The following ADAM20 variants were observed in gnomAD, a reference collection of about 807,000 sequenced individuals.
The protein encoded by ADAM20 is disintegrin and metalloproteinase domain-containing protein 20.
For synonymous variants in ADAM20, 305 were observed against 310.2 expected, an observed-to-expected ratio of 0.98 and a Z score of 0.18; for missense variants, 871 against 883.2, an observed-to-expected ratio of 0.99 and a Z score of 0.18.
chr14:70,522,971 T>C lies in ADAM20; in HGVS notation c.1787A>G (p.Tyr596Cys). 1 of 1,614,078 alleles carries C rather than the reference T, an allele frequency of 6.2e-7. No homozygotes were observed. Among genetic ancestry groups the C allele is most frequent in the South Asian group, 1.1e-5 (1 of 91,080 alleles). Residue 596 changes from tyrosine to cysteine, a missense_variant, in exon 2 of 2, where the codon TAT (tyrosine) becomes TGT (cysteine). Physicochemically the swap from Tyr to Cys is radical, Grantham distance 194. Transcript: ENST00000256389. ...LNDTTCWGTD[Y>C]HLGMAIPDIG... ...ATCAGGTATAGCCATCCCTAAATGA[T>C]AATCAGTGCCCCAGCAAGTGGTGTC...
chr14:70,522,772 G>A lies in ADAM20; in HGVS notation c.1986C>T (p.Tyr662=), dbSNP rs766395855. ...TACCTCCATAGCCTTTGTCCTTGCA[G>A]TATGGGGGTGCCCATTCATGGTTGC... ...CHCNHEWAPP[Y]CKDKGYGGSA... The change falls in exon 2 of 2, where the codon TAC becomes TAT. Residue 662 remains tyrosine, a synonymous_variant. Transcript: ENST00000256389. 2 of 1,613,974 alleles carry A rather than the reference G, an allele frequency of 1.2e-6. No homozygotes were observed. The highest frequency in any genetic ancestry group is 2.7e-5 in the African/African-American group (2 of 74,926).
intron 1 of ADAM20, 60 bp from the exon 2 acceptor site, chr14:70,524,993 G>T: frequency 1.4e-6 from 2 of 1,392,286 alleles, no homozygotes; most frequent in Admixed American, 2.3e-5. Context: ...GAGAAAAAAG[G>T]CAAAGTGATT....
chr14:70,575,238 A>C, the ADAM20 span, among the ~76,000 whole-genome samples: 1 of 151,900 alleles, frequency 6.6e-6, no homozygotes, highest in African/African-American at 2.4e-5. Flanking sequence ...TCGGTCACTC[A>C]GGTTGCAATG....
intron 1 of ADAM20, among the ~76,000 whole-genome samples, chr14:70,531,882 C>T (rs759890716): frequency 6.6e-6 from 1 of 152,034 alleles, no homozygotes; most frequent in Non-Finnish European, 1.5e-5. Flanking sequence ...ACATCTCATT[C>T]ATAGACTAGA....
the ADAM20 span, among the ~76,000 whole-genome samples, chr14:70,558,293 G>A: frequency 9.3e-3 from 1,409 of 152,288 alleles, 26 homozygotes; most frequent in African/African-American, 0.032. Flanking sequence ...CTCCAGTGAA[G>A]TAGTTTCAAA....
chr14:70,568,590 T>G, the ADAM20 span, among the ~76,000 whole-genome samples: 8,970 of 152,118 alleles, frequency 0.059, 331 homozygotes, highest in African/African-American at 0.1. Flanking sequence ...GGAAACTCAG[T>G]AAGATCCAAG....
chr14:70,527,011 A>T (rs1357037052), intron 1 of ADAM20, among the ~76,000 whole-genome samples: 1 of 152,106 alleles, frequency 6.6e-6, no homozygotes, highest in African/African-American at 2.4e-5. Context: ...ACCTTCAAAC[A>T]CTGTAACCAG....
chr14:70,530,688 C>A (rs563044554), intron 1 of ADAM20, among the ~76,000 whole-genome samples: 1 of 151,922 alleles, frequency 6.6e-6, no homozygotes, highest in Non-Finnish European at 1.5e-5. Flanking sequence ...CCATCATTGC[C>A]CAAAACATTC....
Position 70,522,876 on chromosome 14 carries a change from T to C in ADAM20, c.1882A>G (p.Met628Val), listed in dbSNP as rs1314496988. 1 of 1,614,094 alleles carries C rather than the reference T, an allele frequency of 6.2e-7. No homozygotes were observed. Among genetic ancestry groups the C allele is most frequent in the East Asian group, 2.2e-5 (1 of 44,886 alleles). The change falls in exon 2 of 2, where the codon ATG (methionine) becomes GTG (valine). Residue 628 changes from methionine (M) to valine (V), a missense_variant. Coordinates refer to ENST00000256389, the MANE Select transcript of ADAM20 (RefSeq NM_003814.5). ...KICIRKKCAS[M>V]VHLSQACQPK... ...TGACAGGCTTGTGACAGATGAACCA[T>C]ACTGGCACACTTCTTACGGATGCAG...
the ADAM20 span, among the ~76,000 whole-genome samples, chr14:70,567,897 G>T: frequency 6.6e-6 from 1 of 152,066 alleles, no homozygotes; most frequent in Non-Finnish European, 1.5e-5. Context: ...ATAAGGACCT[G>T]GTGCACCTCC....
chr14:70,547,063 G>C, the ADAM20 span, among the ~76,000 whole-genome samples: 2 of 152,170 alleles, frequency 1.3e-5, no homozygotes, highest in East Asian at 3.9e-4. Context: ...TGGCTACTAT[G>C]AGCAACTATA....
chr14:70,564,742 T>C, the ADAM20 span, among the ~76,000 whole-genome samples: 2 of 104,858 alleles, frequency 1.9e-5, no homozygotes, highest in African/African-American at 1.1e-4. Context: ...CGCAATTTTT[T>C]TTTTTTTTTT....
the ADAM20 span, among the ~76,000 whole-genome samples, chr14:70,566,506 G>A: frequency 1.3e-5 from 2 of 151,880 alleles, no homozygotes; most frequent in African/African-American, 2.4e-5. Context: ...AAAAGGGGAG[G>A]AGAAGAAAGA....
chr14:70,577,019 G>C, the ADAM20 span, among the ~76,000 whole-genome samples: 2 of 152,074 alleles, frequency 1.3e-5, no homozygotes, highest in African/African-American at 4.8e-5. Flanking sequence ...AGAAAGCCTA[G>C]GTACAAGAAC....
Position 70,522,866 on chromosome 14 carries a change from A to G in ADAM20, c.1892T>C (p.Leu631Pro). The G allele has an allele frequency of 6.2e-7, 1 of 1,614,092 alleles. No individual in the cohort carries two copies. Among genetic ancestry groups the G allele is most frequent in the Non-Finnish European group, 8.5e-7 (1 of 1,179,952 alleles). ...IRKKCASMVH[L>P]SQACQPKTCN... ...GGTCTTAGGCTGACAGGCTTGTGACAGATGAACCATACTGGCACACTTCTT... is the reference window on the plus strand; with the variant it reads ...GGTCTTAGGCTGACAGGCTTGTGACGGATGAACCATACTGGCACACTTCTT... Residue 631 changes from leucine (L) to proline (P), a missense_variant, in exon 2 of 2, where the codon CTG becomes CCG. Transcript: ENST00000256389.
chr14:70,568,162 T>C, the ADAM20 span, among the ~76,000 whole-genome samples: 184 of 152,306 alleles, frequency 1.2e-3, no homozygotes, highest in Non-Finnish European at 1.8e-3. Context: ...CCTATGCACC[T>C]GCACTCTCAA....
Position 70,531,680 on chromosome 14 carries a change from C to T in ADAM20, c.-177+3117G>A, listed in dbSNP as rs75245894. ...AAGTTGCAGGATACAAAATCAACTA[C>T]AAAAGTCACGTGCATAATTATATAC... is the stretch of plus-strand genomic sequence containing the variant. On this transcript the variant is annotated intron_variant, in intron 1 of 1. Coordinates refer to ENST00000256389, the MANE Select transcript of ADAM20 (RefSeq NM_003814.5). Among the ~76,000 whole-genome samples the T allele has an allele frequency of 9.3e-3, 1,409 of 151,954 alleles. 24 individuals are homozygous for T. Among genetic ancestry groups the T allele is most frequent in the African/African-American group, 0.032 (1,322 of 41,482 alleles).
chr14:70,554,929 G>A, the ADAM20 span, among the ~76,000 whole-genome samples: 2 of 152,148 alleles, frequency 1.3e-5, no homozygotes, highest in Non-Finnish European at 2.9e-5. Flanking sequence ...CGAGCATGGG[G>A]GCTCAAAGGC....
At chr14:70,548,673 T>C in the ADAM20 span, among the ~76,000 whole-genome samples, 1 of 122,110 alleles carries the variant, frequency 8.2e-6, no homozygotes, top group East Asian at 2.3e-4. Flanking sequence ...CAAATCCACG[T>C]CTGATTGGTG....
Sources: gnomAD v4.1 joint callset for allele counts (sites outside exome capture counted in the v4.1 genomes callset) on GRCh38, gnomAD v4.1.1 for gene constraint, MANE v1.5 for transcripts, NCBI Gene and HGNC (gene_info 2026-07-23, HGNC 2026-07-21) for gene names.